The following PRKCH variants were observed in gnomAD, a reference collection of about 807,000 sequenced individuals.
PRKCH encodes the protein protein kinase C eta type.
In PRKCH, 28 loss-of-function variants were observed where a neutral mutation model predicts 82.5. That is an observed-to-expected ratio of 0.34 (90% CI 0.25 to 0.47). The LOEUF is 0.47. Ranked by LOEUF, PRKCH falls within the 20% of genes least tolerant of loss-of-function variation. The pLI is 1.00. For synonymous variants in PRKCH, 322 were observed against 327.4 expected (o/e 0.98, Z 0.18); for missense variants, 705 against 881.8 (o/e 0.80, Z 2.54).
chr14:61,243,388 A>G, intron 1 of PRKCH, among the ~76,000 whole-genome samples: 1 of 149,696 alleles, frequency 6.7e-6, no homozygotes, highest in African/African-American at 2.4e-5. Flanking sequence ...TGTCTCAAAA[A>G]AAAAAAAAAA....
chr14:61,446,970 G>C (rs1884255059), intron 4 of PRKCH, among the ~76,000 whole-genome samples: 1 of 152,234 alleles, frequency 6.6e-6, no homozygotes, highest in African/African-American at 2.4e-5. Context: ...CACCTGCTAT[G>C]TAAAGAGCAG....
At chr14:61,449,345 C>A (rs1373324312) in intron 5 of PRKCH, 93 bp downstream of exon 5, 2 of 1,073,956 alleles carry the variant, frequency 1.9e-6, no homozygotes, top group Non-Finnish European at 2.8e-6. Context: ...CTTTCCTCCC[C>A]CTCTTTTCCT....
intron 1 of PRKCH, among the ~76,000 whole-genome samples, chr14:61,361,911 A>G (rs890709308): frequency 6.6e-6 from 1 of 152,228 alleles, no homozygotes; most frequent in Non-Finnish European, 1.5e-5. Flanking sequence ...TATAAGGAGG[A>G]AGGGCTCTTG....
intron 1 of PRKCH, among the ~76,000 whole-genome samples, chr14:61,271,927 G>T (rs1360820561): frequency 2.0e-5 from 3 of 152,170 alleles, no homozygotes; most frequent in African/African-American, 7.2e-5. Flanking sequence ...TATTAGGGTT[G>T]TTTAAAGATG....
At chr14:61,389,701 A>AC (rs545918935) in intron 1 of PRKCH, among the ~76,000 whole-genome samples, 53 of 150,366 alleles carry the variant, frequency 3.5e-4, no homozygotes, top group African/African-American at 1.3e-3. Flanking sequence ...CCTGTCTCAA[A>AC]AAAAAAAAAA....
chr14:61,498,584 C>T (rs1886764642), intron 10 of PRKCH, among the ~76,000 whole-genome samples: 1 of 152,150 alleles, frequency 6.6e-6, no homozygotes, highest in African/African-American at 2.4e-5. Flanking sequence ...CTGGGAATTC[C>T]AAGATCTGGG....
At chr14:61,402,716 T>C (rs1194457003) in intron 2 of PRKCH, among the ~76,000 whole-genome samples, 1 of 152,062 alleles carries the variant, frequency 6.6e-6, no homozygotes, top group African/African-American at 2.4e-5. Flanking sequence ...GGAGAATCAC[T>C]TGAACCAGGG....
Position 61,457,291 on chromosome 14 carries a change from G to A in PRKCH, c.1076G>A (p.Arg359Gln), listed in dbSNP as rs55818778. The change falls in exon 8 of 14, where the codon CGA becomes CAA. Residue 359 changes from arginine (R) to glutamine (Q), a missense_variant. By Grantham distance (43) the Arg-to-Gln change is conservative. Transcript: ENST00000332981. ...GGTATCGACAACTTTGAGTTCATCC[G>A]AGTGTTGGGGAAGGGGAGTTTTGGG... ...RLGIDNFEFIRVLGKGSFGKV... is the reference protein window; with the variant it reads ...RLGIDNFEFIQVLGKGSFGKV... 2.1e-5 allele frequency: 34 copies of A among 1,614,054 alleles called. No individual in the cohort carries two copies. The highest frequency in any genetic ancestry group is 4.5e-5 in the East Asian group (2 of 44,888).
intron 1 of PRKCH, among the ~76,000 whole-genome samples, chr14:61,191,653 CA>C (rs59056769): frequency 9.9e-4 from 144 of 145,176 alleles, no homozygotes; most frequent in Middle Eastern, 3.6e-3. Context: ...AGCCCTGTCT[CA>C]AAAAAAAAAA....
chr14:61,322,607 G>T, intron 1 of PRKCH, 143 bp downstream of exon 1: 1 of 1,236,896 alleles, frequency 8.1e-7, no homozygotes, highest in African/African-American at 1.5e-5. Flanking sequence ...CCACGTGGCC[G>T]CGGCACTGGT....
chr14:61,327,959 A>ACTGGGC (rs1339753610), intron 1 of PRKCH, among the ~76,000 whole-genome samples: 1 of 152,170 alleles, frequency 6.6e-6, no homozygotes, highest in Admixed American at 6.5e-5. Context: ...TGCTTGAAAG[A>ACTGGGC]CTGGGCCTGG....
At chr14:61,435,782 C>T (rs570612215) in intron 2 of PRKCH, among the ~76,000 whole-genome samples, 2 of 152,246 alleles carry the variant, frequency 1.3e-5, no homozygotes, top group South Asian at 2.1e-4. Flanking sequence ...CCTCAGTGTA[C>T]AGGCAGTTGA....
At chr14:61,245,647 G>A (rs952726228) in intron 1 of PRKCH, among the ~76,000 whole-genome samples, 4 of 43,482 alleles carry the variant, frequency 9.2e-5, no homozygotes, top group African/African-American at 2.3e-4. Context: ...GGAAGCCGGT[G>A]GGGCAGCCTT....
chr14:61,257,624 CACACA>C (rs2045009622), intron 1 of PRKCH, among the ~76,000 whole-genome samples: 1 of 54,070 alleles, frequency 1.8e-5, no homozygotes, highest in Admixed American at 1.6e-4. Flanking sequence ...CACACACACA[CACACA>C]CCCCCACACA....
chr14:61,230,403 G>A (rs1239917820), intron 1 of PRKCH, among the ~76,000 whole-genome samples: 3 of 152,050 alleles, frequency 2.0e-5, no homozygotes, highest in Non-Finnish European at 4.4e-5. Context: ...AATCTCCTAG[G>A]AGCCCCTCAG....
chr14:61,236,710 C>CAAAAAAA (rs35185475), intron 1 of PRKCH, among the ~76,000 whole-genome samples: 167 of 86,832 alleles, frequency 1.9e-3, no homozygotes, highest in East Asian at 3.1e-3. Flanking sequence ...TGTCTCAAAA[C>CAAAAAAA]AAAAAAAAAA....
chr14:61,549,169 A>G (rs1168169627), intron 13 of PRKCH, among the ~76,000 whole-genome samples: 1 of 152,194 alleles, frequency 6.6e-6, no homozygotes, highest in Non-Finnish European at 1.5e-5. Context: ...AGCAGGGCGT[A>G]ACGCATCTAC....
chr14:61,310,334 A>G (rs1319513491), intron 1 of PRKCH, among the ~76,000 whole-genome samples: 2 of 152,220 alleles, frequency 1.3e-5, no homozygotes, highest in Non-Finnish European at 2.9e-5. Context: ...CCAAGATACA[A>G]TGGGGGTACA....
intron 1 of PRKCH, among the ~76,000 whole-genome samples, chr14:61,208,439 G>A (rs895234238): frequency 3.9e-5 from 6 of 152,120 alleles, no homozygotes; most frequent in African/African-American, 1.4e-4. Flanking sequence ...CTTTTTGTAA[G>A]CAACTAAAAA....
Sources: gnomAD v4.1 joint callset for allele counts (sites outside exome capture counted in the v4.1 genomes callset) on GRCh38, gnomAD v4.1.1 for gene constraint, MANE v1.5 for transcripts, NCBI Gene and HGNC (gene_info 2026-07-23, HGNC 2026-07-21) for gene names.